Variants in PLIN3 observed in about 807,000 individuals in gnomAD.
PLIN3 encodes perilipin-3.
In PLIN3, 30 loss-of-function variants were observed where a neutral mutation model predicts 35.9. That is an observed-to-expected ratio of 0.84 (90% confidence interval 0.62 to 1.13). The LOEUF is 1.13. Ranked by LOEUF, PLIN3 falls within the 50% of genes most tolerant of loss-of-function variation. The pLI is 0.00. For missense variants in PLIN3, 603 were observed against 596.9 expected, an observed-to-expected ratio of 1.01 and a Z score of -0.11; for synonymous variants, 261 against 262.5, an observed-to-expected ratio of 0.99 and a Z score of 0.06.
At chr19:4,861,249 C>G in intron 2 of PLIN3, 80 bp downstream of exon 2, 1 of 1,294,544 alleles carries the variant, frequency 7.7e-7, no homozygotes, top group Non-Finnish European at 1.1e-6. Flanking sequence ...TGGCTCCCTG[C>G]CAGGGCACCC....
At chr19:4,864,455 G>GTTT (rs918927488) in intron 1 of PLIN3, among the ~76,000 whole-genome samples, 1 of 134,846 alleles carries the variant, frequency 7.4e-6, no homozygotes, top group Admixed American at 7.4e-5. Context: ...GCCGTGGTTT[G>GTTT]TTTTTTTTTT....
intron 1 of PLIN3, among the ~76,000 whole-genome samples, chr19:4,865,889 A>G (rs1420494145): frequency 1.3e-5 from 2 of 150,568 alleles, no homozygotes; most frequent in East Asian, 2.0e-4. Flanking sequence ...ACGCCTGGCT[A>G]ATTGTTTGTA....
At position 4,855,818 on chromosome 19, in the gene PLIN3, G is replaced by C. The variant is rs547237469; in HGVS notation, c.349-3517C>G. Reference sequence around the variant, plus strand: ...CACACCTGTAGTCCCAGCTTCTCAGGAGGCTGAGAGCTGGGAGGATTGCCT... The same window carrying C: ...CACACCTGTAGTCCCAGCTTCTCAGCAGGCTGAGAGCTGGGAGGATTGCCT... On this transcript the variant is annotated intron_variant, in intron 4 of 7. Coordinates refer to ENST00000221957, the MANE Select transcript of PLIN3 (RefSeq NM_005817.5). Among the ~76,000 whole-genome samples the C allele has an allele frequency of 2.9e-3, 433 of 151,920 alleles. 1 individual carries two copies. The highest frequency in any genetic ancestry group is 4.9e-3 in the Non-Finnish European group (332 of 67,984).
intron 1 of PLIN3, chr19:4,866,840 T>G (rs1357488654): frequency 6.6e-6 from 1 of 152,290 alleles, no homozygotes; most frequent in Non-Finnish European, 1.5e-5. Flanking sequence ...CCATGGCAGA[T>G]GTCAACACCC....
intron 1 of PLIN3, among the ~76,000 whole-genome samples, chr19:4,862,920 A>G (rs1028532241): frequency 6.6e-6 from 1 of 152,116 alleles, no homozygotes; most frequent in African/African-American, 2.4e-5. Flanking sequence ...GCACTTTGGG[A>G]GGCCGAGGTG....
chr19:4,846,198 G>C lies in PLIN3; in HGVS notation c.835-1405C>G, dbSNP rs533526495. ...CTGAGATCGCGCCACAAAAAGAAAA[G>C]AAAAATAAATAAAGAGGAATGATGG... On this transcript the variant is annotated intron_variant, in intron 6 of 7. Coordinates refer to ENST00000221957, the MANE Select transcript of PLIN3 (RefSeq NM_005817.5). Among the ~76,000 whole-genome samples, 3 of 150,984 alleles carry C rather than the reference G, an allele frequency of 2.0e-5. No individual in the cohort carries two copies. In the South Asian group the frequency reaches 6.2e-4, roughly 31 times the overall value.
At chr19:4,866,003 G>A (rs552434542) in intron 1 of PLIN3, among the ~76,000 whole-genome samples, 14 of 148,962 alleles carry the variant, frequency 9.4e-5, no homozygotes, top group East Asian at 7.9e-4. Flanking sequence ...GATTACAGGC[G>A]TGAGCCACCA....
chr19:4,841,562 C>T (rs182252145), intron 7 of PLIN3, among the ~76,000 whole-genome samples: 9 of 149,458 alleles, frequency 6.0e-5, no homozygotes, highest in East Asian at 5.9e-4. Context: ...GCTTTAAATG[C>T]GTGACTTGTA....
chr19:4,861,697 G>A, intron 1 of PLIN3, among the ~76,000 whole-genome samples: 1 of 151,472 alleles, frequency 6.6e-6, no homozygotes, highest in Middle Eastern at 3.2e-3. Context: ...GTGCAGTGGG[G>A]CAACCTGGGC....
intron 2 of PLIN3, among the ~76,000 whole-genome samples, chr19:4,861,054 C>T (rs1370481454): frequency 1.3e-5 from 2 of 152,150 alleles, no homozygotes; most frequent in South Asian, 2.1e-4. Flanking sequence ...CTGAGAGAGC[C>T]TTCAGAGGTG....
intron 7 of PLIN3, among the ~76,000 whole-genome samples, chr19:4,839,965 C>CTTTT (rs1212445249): frequency 2.7e-4 from 33 of 124,392 alleles, no homozygotes; most frequent in African/African-American, 8.5e-4. Context: ...GTGCCCGGCC[C>CTTTT]TTTTTTTTTT....
chr19:4,839,233 C>A lies in PLIN3; in HGVS notation c.1264G>T (p.Ala422Ser), dbSNP rs2093625072. 1 of 1,610,574 alleles carries A rather than the reference C, an allele frequency of 6.2e-7. No homozygotes were observed. The highest frequency in any genetic ancestry group is 8.5e-7 in the Non-Finnish European group (1 of 1,177,282). The stretch of plus-strand genomic sequence containing the variant: ...GGGGCTTTCTCAGTGATTCCAGGGG[C>A]AAAGGGTCCCACGAGCCACGTGACA... ...TPVTWLVGPFAPGITEKAPEE... is the reference protein window; with the variant it reads ...TPVTWLVGPFSPGITEKAPEE... The change falls in exon 8 of 8, where the codon GCC (alanine) becomes TCC (serine). Residue 422 changes from alanine to serine, a missense_variant. By Grantham distance (99) the Ala-to-Ser change is moderately conservative. Transcript: ENST00000221957.
In PLIN3 at chr19:4,839,226, C is replaced by A. The variant is rs1310711741; in HGVS notation, c.1271G>T (p.Gly424Val). The change falls in exon 8 of 8, where the codon GGA (glycine) becomes GTA (valine). Residue 424 changes from glycine (G) to valine (V), a missense_variant. Transcript: ENST00000221957. ...VTWLVGPFAP[G>V]ITEKAPEEKK The stretch of plus-strand genomic sequence containing the variant: ...CTCCTCCGGGGCTTTCTCAGTGATT[C>A]CAGGGGCAAAGGGTCCCACGAGCCA... The A allele has an allele frequency of 1.2e-6, 2 of 1,609,238 alleles. No homozygotes were observed. Among genetic ancestry groups the A allele is most frequent in the Non-Finnish European group, 1.7e-6 (2 of 1,176,244 alleles).
At chr19:4,844,529 AAGG>A in intron 7 of PLIN3, 136 bp downstream of exon 7, 2 of 885,556 alleles carry the variant, frequency 2.3e-6, no homozygotes, top group Admixed American at 3.3e-5. Context: ...AGGCTTCCTG[AAGG>A]AGGTGTCATT....
chr19:4,844,960 T>C (rs966410435), intron 6 of PLIN3, among the ~76,000 whole-genome samples, 167 bp from the exon 7 acceptor site: 1 of 152,066 alleles, frequency 6.6e-6, no homozygotes, highest in Admixed American at 6.6e-5. Context: ...TCTGGGGCCT[T>C]TGGTTTAATC....
At chr19:4,855,482 T>C (rs1010213752) in intron 4 of PLIN3, among the ~76,000 whole-genome samples, 2 of 151,888 alleles carry the variant, frequency 1.3e-5, no homozygotes, top group African/African-American at 2.4e-5. Flanking sequence ...AAGCCCACTA[T>C]TGGCCTTTGC....
At chr19:4,862,105 A>G (rs1599176305) in intron 1 of PLIN3, among the ~76,000 whole-genome samples, 1 of 144,428 alleles carries the variant, frequency 6.9e-6, no homozygotes, top group East Asian at 2.0e-4. Flanking sequence ...CGCCTACTTA[A>G]TTTTTTCTTT....
In PLIN3 at chr19:4,861,337, C is replaced by A. The variant is rs767438553; in HGVS notation, c.58G>T (p.Val20Leu). ...TCCCGGCCCTTCCTCACCTGCTGTA[C>A]CGGTTCTTCCACTGTCACCTGGGTG... is the stretch of plus-strand genomic sequence containing the variant. ...GSTQVTVEEP[V>L]QQPSVVDRVA... is the part of the protein sequence containing the mutation. Residue 20 changes from valine to leucine, a missense_variant, in exon 2 of 8, where the codon GTA becomes TTA. Physicochemically the swap from Val to Leu is conservative, Grantham distance 32. Transcript: ENST00000221957. 1.2e-6 allele frequency: 2 copies of A among 1,613,702 alleles called. No individual in the cohort carries two copies. The highest frequency in any genetic ancestry group is 1.7e-6 in the Non-Finnish European group (2 of 1,179,800).
chr19:4,844,664 G>C lies in PLIN3; in HGVS notation c.960+4C>G. 1.1e-5 allele frequency: 17 copies of C among 1,607,234 alleles called. No individual in the cohort carries two copies. Among genetic ancestry groups the C allele is most frequent in the Non-Finnish European group, 1.4e-5 (16 of 1,177,516 alleles). ...AGGCCACCCCCCAGTCCCCTCATGG[G>C]TACCTCTGGCTTGGGCGGCTCCTTC... is the stretch of plus-strand genomic sequence containing the variant. On this transcript the variant is annotated splice_donor_region_variant and intron_variant, in intron 7 of 7. Transcript: ENST00000221957.
Sources: gnomAD v4.1 joint callset for allele counts (sites outside exome capture counted in the v4.1 genomes callset) on GRCh38, gnomAD v4.1.1 for gene constraint, MANE v1.5 for transcripts, NCBI Gene and HGNC (gene_info 2026-07-23, HGNC 2026-07-21) for gene names.